Variants in CDH9 observed in about 807,000 individuals in gnomAD.
CDH9 encodes the protein cadherin-9.
In CDH9, 28 loss-of-function variants were observed where a neutral mutation model predicts 70.9. That is an observed-to-expected ratio of 0.40 (90% CI 0.29 to 0.54). CDH9 has a LOEUF of 0.54. Among genes scored for constraint, CDH9 ranks in the 20% least tolerant of loss-of-function variants. CDH9 has a pLI of 0.59. For synonymous variants in CDH9, 409 were observed against 343.1 expected (o/e 1.19, Z -2.12); for missense variants, 874 against 984.4 (o/e 0.89, Z 1.50).
intron 3 of CDH9, among the ~76,000 whole-genome samples, chr5:26,914,694 TAA>T (rs1741117883): frequency 6.6e-6 from 1 of 152,048 alleles, no homozygotes; most frequent in South Asian, 2.1e-4. Flanking sequence ...TAAAGGTGGA[TAA>T]GTTTGTTTCT....
chr5:26,951,577 G>T (rs181893780), intron 2 of CDH9, among the ~76,000 whole-genome samples: 10 of 152,290 alleles, frequency 6.6e-5, no homozygotes, highest in African/African-American at 2.4e-4. Flanking sequence ...GCAAGTGACT[G>T]CCCATCTTAC....
rs147053268 is a variant in CDH9 at position 26,883,946 on chromosome 5, C to G, written c.1882+1668G>C. On this transcript the variant is annotated intron_variant, in intron 11 of 11. Coordinates refer to ENST00000231021, the MANE Select transcript of CDH9 (RefSeq NM_016279.4). Reference sequence around the variant, plus strand: ...TGCTATGTCACTATCTTATGAAAAGCAAACTCTCTTAACTATAGAAATGCA... The same window carrying G: ...TGCTATGTCACTATCTTATGAAAAGGAAACTCTCTTAACTATAGAAATGCA... 2.5e-3 allele frequency among the ~76,000 whole-genome samples: 386 copies of G among 152,160 alleles called. 1 individual carries two copies. The highest frequency in any genetic ancestry group is 8.9e-3 in the African/African-American group (371 of 41,532).
chr5:27,032,588 T>C (rs1161102326), intron 1 of CDH9, among the ~76,000 whole-genome samples: 3 of 151,670 alleles, frequency 2.0e-5, no homozygotes, highest in Non-Finnish European at 4.4e-5. Flanking sequence ...GCTTAATACA[T>C]GTGTAAATGC....
chr5:26,969,902 G>A (rs1251426816), intron 2 of CDH9, among the ~76,000 whole-genome samples: 2 of 149,708 alleles, frequency 1.3e-5, no homozygotes, highest in Non-Finnish European at 1.5e-5. Flanking sequence ...GTGTATGTCT[G>A]TGAGTGCATA....
chr5:27,011,511 C>T (rs890022881), intron 1 of CDH9, among the ~76,000 whole-genome samples: 1 of 152,038 alleles, frequency 6.6e-6, no homozygotes, highest in African/African-American at 2.4e-5. Context: ...TTTGGAGGGA[C>T]TATGGCCCTA....
intron 1 of CDH9, among the ~76,000 whole-genome samples, chr5:27,013,839 C>G (rs1743002500): frequency 6.6e-6 from 1 of 151,926 alleles, no homozygotes; most frequent in Non-Finnish European, 1.5e-5. Context: ...CGAGGAAGGT[C>G]CTGTTATTCC....
chr5:26,995,175 T>G (rs1197454353), intron 1 of CDH9, among the ~76,000 whole-genome samples: 1 of 152,202 alleles, frequency 6.6e-6, no homozygotes, highest in Non-Finnish European at 1.5e-5. Flanking sequence ...TGACATGCAG[T>G]CAGCACTTAA....
chr5:27,025,982 A>G (rs1743214378), intron 1 of CDH9, among the ~76,000 whole-genome samples: 1 of 152,012 alleles, frequency 6.6e-6, no homozygotes, highest in Admixed American at 6.6e-5. Flanking sequence ...ACTTATAACC[A>G]GGAGGCACTG....
chr5:26,964,550 T>C (rs1376513204), intron 2 of CDH9, among the ~76,000 whole-genome samples: 1 of 152,150 alleles, frequency 6.6e-6, no homozygotes, highest in Non-Finnish European at 1.5e-5. Context: ...TTGTAGGAGA[T>C]CATATTTATT....
Position 26,906,084 on chromosome 5 carries a change from C to T in CDH9, c.686G>A (p.Arg229Lys). 1.2e-6 allele frequency: 2 copies of T among 1,613,696 alleles called. No individual in the cohort carries two copies. The highest frequency in any genetic ancestry group is 1.3e-5 in the African/African-American group (1 of 75,026). The change falls in exon 5 of 12, where the codon AGA becomes AAA. Residue 229 changes from arginine to lysine, a missense_variant. Transcript: ENST00000231021. Reference protein sequence around the residue: ...TALPDMSRENREQYQVVIQAK... With the variant: ...TALPDMSRENKEQYQVVIQAK... ...CTGTATAACAACCTGGTACTGCTCT[C>T]TATTTTCTCTGCTCATGTCTGGTAA... is the stretch of plus-strand genomic sequence containing the variant.
intron 11 of CDH9, among the ~76,000 whole-genome samples, chr5:26,883,042 T>TAGAGAG (rs10536720): frequency 9.1e-4 from 8 of 8,774 alleles, no homozygotes; most frequent in Admixed American, 3.4e-3. Context: ...AGGATCATCT[T>TAGAGAG]ATATATATAT....
chr5:26,893,778 C>T (rs982921570), intron 7 of CDH9, among the ~76,000 whole-genome samples: 1 of 151,730 alleles, frequency 6.6e-6, no homozygotes, highest in Non-Finnish European at 1.5e-5. Flanking sequence ...GAGATAGATC[C>T]GATTTGCAAA....
chr5:27,033,038 AT>A lies in CDH9; in HGVS notation c.-50+5424del, dbSNP rs1201613579. Among the ~76,000 whole-genome samples the A allele has an allele frequency of 3.3e-5, 5 of 151,374 alleles. No homozygotes were observed. The East Asian group carries it at 9.8e-4, about 30-fold the overall frequency. ...AATAAATTTTGTGAGGTGTTCAAGA[AT>A]TGTGAACATTCAATAAAGAATAATT... On this transcript the variant is annotated intron_variant, in intron 1 of 11. Transcript: ENST00000231021.
intron 2 of CDH9, among the ~76,000 whole-genome samples, chr5:26,957,691 A>G (rs977830870): frequency 2.0e-5 from 3 of 152,150 alleles, no homozygotes; most frequent in African/African-American, 7.2e-5. Flanking sequence ...TGTTGAATTA[A>G]TATTTCTTTG....
chr5:26,910,352 G>A (rs1178539489), intron 3 of CDH9, among the ~76,000 whole-genome samples: 1 of 151,774 alleles, frequency 6.6e-6, no homozygotes, highest in African/African-American at 2.4e-5. Flanking sequence ...TAATTTAAAC[G>A]GTTTTCTACA....
At chr5:27,031,017 TCTA>T (rs772465651) in intron 1 of CDH9, among the ~76,000 whole-genome samples, 7 of 151,806 alleles carry the variant, frequency 4.6e-5, no homozygotes, top group Non-Finnish European at 8.8e-5. Context: ...TGGTTACAAA[TCTA>T]CTTTTTTTCA....
chr5:26,918,132 A>G (rs988553444), intron 2 of CDH9, among the ~76,000 whole-genome samples: 1 of 152,118 alleles, frequency 6.6e-6, no homozygotes, highest in Non-Finnish European at 1.5e-5. Context: ...TATACATTCT[A>G]TACATAGCAA....
At chr5:26,997,701 T>C (rs1028992998) in intron 1 of CDH9, among the ~76,000 whole-genome samples, 6 of 129,482 alleles carry the variant, frequency 4.6e-5, no homozygotes, top group Admixed American at 2.2e-4. Flanking sequence ...CACAAACAAA[T>C]GGTAATTTTT....
intron 2 of CDH9, among the ~76,000 whole-genome samples, chr5:26,968,240 A>G (rs888870937): frequency 4.6e-5 from 7 of 152,054 alleles, no homozygotes; most frequent in African/African-American, 1.7e-4. Context: ...AAATCCAGAG[A>G]CGATTACAGG....
Sources: gnomAD v4.1 joint callset for allele counts (sites outside exome capture counted in the v4.1 genomes callset) on GRCh38, gnomAD v4.1.1 for gene constraint, MANE v1.5 for transcripts, NCBI Gene and HGNC (gene_info 2026-07-23, HGNC 2026-07-21) for gene names.